Variants in SYCP1 observed in about 807,000 individuals in gnomAD.
SYCP1 encodes the protein cancer/testis antigen 8.
A neutral mutation model predicts 153.1 loss-of-function variants in SYCP1; 64 were observed. That is an observed-to-expected ratio of 0.42 (90% CI 0.34 to 0.51). SYCP1 has a LOEUF of 0.51. Among genes scored for constraint, SYCP1 ranks in the 20% least tolerant of loss-of-function variants. The pLI is 0.06. For synonymous variants in SYCP1, 384 were observed against 341.8 expected (o/e 1.12, Z -1.36); for missense variants, 997 against 1,049.0 (o/e 0.95, Z 0.68).
At chr1:114,941,045 T>A (rs1391950987) in intron 23 of SYCP1, among the ~76,000 whole-genome samples, 1 of 152,150 alleles carries the variant, frequency 6.6e-6, no homozygotes, top group African/African-American at 2.4e-5. Flanking sequence ...GGTTTATACA[T>A]GGGGGATTGG....
At chr1:114,973,396 T>G (rs1672613797) in intron 27 of SYCP1, among the ~76,000 whole-genome samples, 1 of 149,002 alleles carries the variant, frequency 6.7e-6, no homozygotes, top group Admixed American at 6.9e-5. Flanking sequence ...TGATCACTCA[T>G]TATGCATTTT....
chr1:114,961,738 G>A (rs190947379), intron 27 of SYCP1, among the ~76,000 whole-genome samples: 2 of 152,052 alleles, frequency 1.3e-5, no homozygotes, highest in Non-Finnish European at 2.9e-5. Flanking sequence ...TTAATTCATT[G>A]AGACCTGTTT....
rs1051160027 is a variant in SYCP1, at chr1:114,944,447, T to C, written c.2035T>C (p.Leu679=). 1 of 1,580,132 alleles carries C rather than the reference T, an allele frequency of 6.3e-7. No homozygotes were observed. Among genetic ancestry groups the C allele is most frequent in the Non-Finnish European group, 8.6e-7 (1 of 1,158,958 alleles). ...CAAAAAGATATCAGAAGAAAATCTT[T>C]TGGAAGAGGTGGGAAAAACTTAATG... ...EDKKISEENL[L]EEVEKAKVIA... Residue 679 remains leucine, a synonymous_variant, in exon 24 of 32, where the codon TTG becomes CTG. Coordinates refer to ENST00000369522, the MANE Select transcript of SYCP1 (RefSeq NM_003176.4).
intron 16 of SYCP1, among the ~76,000 whole-genome samples, chr1:114,899,146 T>G (rs1667254892): frequency 6.6e-6 from 1 of 152,238 alleles, no homozygotes; most frequent in African/African-American, 2.4e-5. Flanking sequence ...GAAAATGAAT[T>G]CTTATTGCAC....
chr1:114,894,313 G>A (rs1167578050), intron 15 of SYCP1, among the ~76,000 whole-genome samples: 1 of 152,144 alleles, frequency 6.6e-6, no homozygotes, highest in African/African-American at 2.4e-5. Context: ...TACAGAGTTT[G>A]AGAAATTTTC....
intron 9 of SYCP1, among the ~76,000 whole-genome samples, chr1:114,875,337 T>C (rs1188013503): frequency 6.7e-6 from 1 of 149,030 alleles, no homozygotes; most frequent in Admixed American, 6.8e-5. Flanking sequence ...CTCGGCTCAC[T>C]GCAAGCTCCG....
chr1:114,967,842 G>T (rs897199551), intron 27 of SYCP1, among the ~76,000 whole-genome samples: 5 of 152,076 alleles, frequency 3.3e-5, no homozygotes, highest in African/African-American at 4.8e-5. Flanking sequence ...TCCATATTTA[G>T]TGCTTCCTTC....
intron 26 of SYCP1, among the ~76,000 whole-genome samples, chr1:114,946,601 A>G (rs985729369): frequency 6.6e-6 from 1 of 152,226 alleles, no homozygotes; most frequent in Non-Finnish European, 1.5e-5. Flanking sequence ...TATAAACTCC[A>G]GTAAACAAAT....
intron 15 of SYCP1, among the ~76,000 whole-genome samples, chr1:114,892,705 G>T (rs1666803116): frequency 6.6e-6 from 1 of 152,138 alleles, no homozygotes; most frequent in Non-Finnish European, 1.5e-5. Context: ...GCACGCACGG[G>T]AAGATGTGCT....
intron 23 of SYCP1, among the ~76,000 whole-genome samples, chr1:114,932,951 T>C (rs923445834): frequency 6.6e-6 from 1 of 152,204 alleles, no homozygotes; most frequent in Non-Finnish European, 1.5e-5. Context: ...CCTGCCTCTG[T>C]AGACTCCACC....
At chr1:114,994,634 AATGTTAATAATATAAT>A (rs1342047671) in intron 30 of SYCP1, 48 bp from the exon 31 acceptor site, 5 of 1,272,952 alleles carry the variant, frequency 3.9e-6, no homozygotes, top group Non-Finnish European at 5.3e-6. Context: ...ATGTTGACAA[AATGTTAATAATATAAT>A]ATTAATGATG....
At chr1:114,980,199 A>C (rs56035224) in intron 28 of SYCP1, among the ~76,000 whole-genome samples, 9,240 of 151,884 alleles carry the variant, frequency 0.061, 319 homozygotes, top group Middle Eastern at 0.14. Context: ...TTTCCTTACA[A>C]TTTCCTTATG....
Position 114,881,054 on chromosome 1 carries a change from TATAC to T in SYCP1, c.910+2854_910+2857del, listed in dbSNP as rs774147844. 5.2e-3 allele frequency among the ~76,000 whole-genome samples: 402 copies of T among 77,944 alleles called. 4 individuals are homozygous for T. Among genetic ancestry groups the T allele is most frequent in the South Asian group, 0.04 (121 of 3,060 alleles). 51.1% of individuals were successfully genotyped at this position (77,944 alleles called of 152,430 possible). On this transcript the variant is annotated intron_variant, in intron 12 of 31. Coordinates refer to ENST00000369522, the MANE Select transcript of SYCP1 (RefSeq NM_003176.4). ...GCTGAACAGTATTCCAATTTGTGTA[TATAC>T]ACACACACACACACACACACACACA...
chr1:114,941,102 C>G (rs1187183288), intron 23 of SYCP1, among the ~76,000 whole-genome samples: 1 of 152,028 alleles, frequency 6.6e-6, no homozygotes, highest in African/African-American at 2.4e-5. Flanking sequence ...ACTCATATCC[C>G]CTAGTCAGCC....
intron 12 of SYCP1, among the ~76,000 whole-genome samples, chr1:114,884,060 G>A (rs1042874366): frequency 9.2e-5 from 14 of 152,226 alleles, no homozygotes; most frequent in African/African-American, 3.4e-4. Context: ...AGTTTTTTCA[G>A]AATGGAATTT....
At chr1:114,979,417 G>A (rs189935039) in intron 28 of SYCP1, among the ~76,000 whole-genome samples, 104 of 151,792 alleles carry the variant, frequency 6.9e-4, no homozygotes, top group Admixed American at 2.3e-3. Flanking sequence ...TCTGGAAAGG[G>A]ATAGTTCAGT....
Position 114,910,419 on chromosome 1 carries a change from A to G in SYCP1, c.1343A>G (p.Tyr448Cys). The change falls in exon 17 of 32, where the codon TAT (tyrosine) becomes TGT (cysteine). Residue 448 changes from tyrosine (Y) to cysteine (C), a missense_variant. Around this residue, in one of 2 missense-constraint regions of SYCP1, gnomAD observed 712 missense variants for 682.9 expected, o/e 1.04. Coordinates refer to ENST00000369522, the MANE Select transcript of SYCP1 (RefSeq NM_003176.4). ...TAGGGAGAAAAGGAAACACTTTTAT[A>G]TGAAAATAAACAATTTGAGAAGATT... is the stretch of plus-strand genomic sequence containing the variant. ...KVLGEKETLL[Y>C]ENKQFEKIAE... The G allele has an allele frequency of 6.3e-7, 1 of 1,598,950 alleles. No homozygotes were observed. Among genetic ancestry groups the G allele is most frequent in the Non-Finnish European group, 8.5e-7 (1 of 1,172,598 alleles).
chr1:114,905,954 T>A (rs1667780009), intron 16 of SYCP1, among the ~76,000 whole-genome samples: 1 of 152,064 alleles, frequency 6.6e-6, no homozygotes, highest in Non-Finnish European at 1.5e-5. Context: ...GGTTGTTGTG[T>A]CATTTCTCTT....
intron 27 of SYCP1, among the ~76,000 whole-genome samples, chr1:114,972,189 A>G (rs1414052564): frequency 6.6e-6 from 1 of 151,976 alleles, no homozygotes; most frequent in African/African-American, 2.4e-5. Context: ...TAGGTTTTAA[A>G]ATTTATTGGC....
Sources: gnomAD v4.1 joint callset for allele counts (sites outside exome capture counted in the v4.1 genomes callset) on GRCh38, gnomAD v4.1.1 for gene constraint, gnomAD v4.1.1 regional missense constraint, MANE v1.5 for transcripts, NCBI Gene and HGNC (gene_info 2026-07-23, HGNC 2026-07-21) for gene names.